Variants in BORCS5 observed in about 807,000 individuals in gnomAD.
The protein encoded by BORCS5 is BLOC-1 related complex subunit 5.
BORCS5 carries 17 observed loss-of-function variants against 22.1 expected under a neutral mutation model. The observed-to-expected ratio is 0.77, with a 90% CI of 0.53 to 1.15. The LOEUF is 1.15. Ranked by LOEUF, BORCS5 falls within the 50% of genes most tolerant of loss-of-function variation. The probability of loss-of-function intolerance (pLI) is 0.00; values close to 1 mark genes in which losing one functional copy is unlikely to be tolerated. For missense variants in BORCS5, 247 were observed against 253.2 expected (o/e 0.98, Z 0.17); for synonymous variants, 117 against 99.8 (o/e 1.17, Z -1.03).
At chr12:12,374,897 A>T (rs1336812164) in intron 2 of BORCS5, among the ~76,000 whole-genome samples, 2 of 149,388 alleles carry the variant, frequency 1.3e-5, no homozygotes, top group African/African-American at 2.5e-5. Flanking sequence ...CAGAGGTTGC[A>T]GTGAGCTGAG....
intron 2 of BORCS5, among the ~76,000 whole-genome samples, chr12:12,428,438 A>C (rs1424901239): frequency 6.6e-6 from 1 of 152,226 alleles, no homozygotes; most frequent in African/African-American, 2.4e-5. Context: ...GTATAAGCAA[A>C]GTGGTTTAAA....
intron 1 of BORCS5, among the ~76,000 whole-genome samples, chr12:12,359,622 A>C (rs754705098): frequency 4.0e-5 from 6 of 151,600 alleles, no homozygotes; most frequent in Non-Finnish European, 8.8e-5. Flanking sequence ...TTGGCCTCCC[A>C]AAGTGCTGGG....
chr12:12,368,622 T>A (rs893256848), intron 2 of BORCS5, among the ~76,000 whole-genome samples: 7 of 149,672 alleles, frequency 4.7e-5, no homozygotes, highest in South Asian at 2.1e-4. Flanking sequence ...TTTTTTTTTT[T>A]AATTTAGAGA....
intron 3 of BORCS5, among the ~76,000 whole-genome samples, chr12:12,451,658 C>T (rs1403003817): frequency 2.6e-5 from 4 of 152,074 alleles, no homozygotes; most frequent in African/African-American, 4.8e-5. Flanking sequence ...CCGAGGCGGG[C>T]GGATCACGAG....
intron 2 of BORCS5, among the ~76,000 whole-genome samples, chr12:12,425,745 GCTT>G (rs1186978988): frequency 3.3e-5 from 5 of 152,124 alleles, no homozygotes; most frequent in Non-Finnish European, 7.4e-5. Flanking sequence ...AATAACTCCT[GCTT>G]CTTCTGGTAA....
At chr12:12,376,995 T>A (rs144154948) in intron 2 of BORCS5, among the ~76,000 whole-genome samples, 25 of 152,348 alleles carry the variant, frequency 1.6e-4, no homozygotes, top group Middle Eastern at 3.4e-3. Flanking sequence ...CTGTGACACG[T>A]TAGTAATCTA....
chr12:12,445,655 A>G (rs1942773768), intron 3 of BORCS5, among the ~76,000 whole-genome samples: 1 of 148,026 alleles, frequency 6.8e-6, no homozygotes, highest in Non-Finnish European at 1.5e-5. Flanking sequence ...TTTTTTACAG[A>G]GAGTGTCTTG....
intron 2 of BORCS5, 83 bp from the exon 3 acceptor site, chr12:12,435,545 C>T (rs1942536221): frequency 3.5e-6 from 4 of 1,128,272 alleles, no homozygotes; most frequent in Admixed American, 4.9e-5. Context: ...CTTACCCTGT[C>T]TTCAGTGAAC....
intron 2 of BORCS5, among the ~76,000 whole-genome samples, chr12:12,382,503 G>T (rs185613481): frequency 3.4e-5 from 5 of 148,312 alleles, no homozygotes; most frequent in African/African-American, 9.9e-5. Context: ...TCACTATTCT[G>T]TCTTTCTTAT....
At chr12:12,398,277 CTT>C (rs1941395932) in intron 2 of BORCS5, among the ~76,000 whole-genome samples, 1 of 152,054 alleles carries the variant, frequency 6.6e-6, no homozygotes, top group Non-Finnish European at 1.5e-5. Context: ...AGAAGCAACT[CTT>C]TAAAATTTTT....
intron 2 of BORCS5, among the ~76,000 whole-genome samples, chr12:12,410,815 G>A (rs1249975280): frequency 6.6e-6 from 1 of 152,100 alleles, no homozygotes; most frequent in Non-Finnish European, 1.5e-5. Flanking sequence ...AATTACCTTG[G>A]GCAGTATGGC....
chr12:12,425,746 C>T (rs1375715127), intron 2 of BORCS5, among the ~76,000 whole-genome samples: 2 of 152,164 alleles, frequency 1.3e-5, no homozygotes, highest in Admixed American at 6.5e-5. Context: ...ATAACTCCTG[C>T]TTCTTCTGGT....
At position 12,467,769 on chromosome 12, in the gene BORCS5, G is replaced by A. The variant is rs1399713355; in HGVS notation, c.*1993G>A. On this transcript the variant is annotated 3_prime_UTR_variant, in exon 4 of 4. Transcript: ENST00000314565. ...TCTGGTGAGGGTTGGCCACGAGAGA[G>A]ATTTGCATGAGGTTTGGAAGTGGAA... 6.6e-6 allele frequency: 1 copy of A among 152,286 alleles called. No homozygotes were observed. Among genetic ancestry groups the A allele is most frequent in the East Asian group, 1.9e-4 (1 of 5,202 alleles). 9.4% of individuals were successfully genotyped at this position (152,286 alleles called of 1,614,324 possible).
At chr12:12,357,946 C>T (rs958171496) in intron 1 of BORCS5, among the ~76,000 whole-genome samples, 2 of 152,148 alleles carry the variant, frequency 1.3e-5, no homozygotes, top group African/African-American at 2.4e-5. Context: ...TTGCTTTGAA[C>T]CCTTTAGTGC....
At chr12:12,397,700 A>C (rs1391156637) in intron 2 of BORCS5, among the ~76,000 whole-genome samples, 2 of 152,232 alleles carry the variant, frequency 1.3e-5, no homozygotes, top group Non-Finnish European at 2.9e-5. Context: ...AATAATTCTA[A>C]ACTTTGGCTT....
chr12:12,436,175 C>G (rs1219902588), intron 3 of BORCS5, among the ~76,000 whole-genome samples: 1 of 152,162 alleles, frequency 6.6e-6, no homozygotes, highest in Non-Finnish European at 1.5e-5. Context: ...TAATTGTTTC[C>G]TGTGTATAAT....
At chr12:12,369,653 A>G (rs1863478829) in intron 2 of BORCS5, among the ~76,000 whole-genome samples, 1 of 144,774 alleles carries the variant, frequency 6.9e-6, no homozygotes, top group African/African-American at 2.6e-5. Flanking sequence ...TTACTATTGT[A>G]TCACTTCATG....
At chr12:12,450,820 T>C (rs7299652) in intron 3 of BORCS5, among the ~76,000 whole-genome samples, 2,436 of 152,326 alleles carry the variant, frequency 0.016, 67 homozygotes, top group African/African-American at 0.055. Context: ...GAGGGACACT[T>C]TCCCTATGAG....
intron 3 of BORCS5, among the ~76,000 whole-genome samples, chr12:12,449,955 T>C (rs754438317): frequency 1.3e-5 from 2 of 152,248 alleles, no homozygotes; most frequent in African/African-American, 4.8e-5. Context: ...AGATGTCTGA[T>C]TGGATTTTGT....
Sources: allele counts gnomAD v4.1 joint callset (sites outside exome capture counted in the v4.1 genomes callset), GRCh38; gene constraint gnomAD v4.1.1; transcripts MANE v1.5; gene names NCBI Gene and HGNC (gene_info 2026-07-23, HGNC 2026-07-21).